RHCG: variants seen among roughly 807,000 people sequenced by gnomAD.
RHCG encodes Rh family C glycoprotein.
In RHCG, 39 loss-of-function variants were observed where a neutral mutation model predicts 55.3. That is an observed-to-expected ratio of 0.70 (90% CI 0.55 to 0.92). The LOEUF (loss-of-function observed/expected upper bound fraction) is 0.92, where lower values mean the gene tolerates loss of function less well. Among genes scored for constraint, RHCG ranks in the 40% least tolerant of loss-of-function variants. The probability of loss-of-function intolerance (pLI) is 0.00; values close to 1 mark genes in which losing one functional copy is unlikely to be tolerated. For synonymous variants in RHCG, 250 were observed against 246.8 expected, an observed-to-expected ratio of 1.01 and a Z score of -0.12; for missense variants, 635 against 627.9, an observed-to-expected ratio of 1.01 and a Z score of -0.12.
chr15:89,486,968 C>A lies in RHCG; in HGVS notation c.202G>T (p.Val68Leu). The change falls in exon 2 of 11, where the codon GTG (valine) becomes TTG (leucine). Residue 68 changes from valine to leucine, a missense_variant. Physicochemically the swap from Val to Leu is conservative, Grantham distance 32. Transcript: ENST00000268122. The part of the protein sequence containing the change: ...YRYPSFQDVH[V>L]MVFVGFGFLM... ...AAGCCGAAGCCCACGAAGACCATCA[C>A]GTGCACGTCCTGGAAGCCTGCGGGG... 1.3e-6 allele frequency: 2 copies of A among 1,598,968 alleles called. No individual in the cohort carries two copies. Among genetic ancestry groups the A allele is most frequent in the Non-Finnish European group, 8.6e-7 (1 of 1,169,088 alleles).
rs528694140 is a variant in RHCG at position 89,487,065 on chromosome 15, G to T, written c.185-80C>A. On this transcript the variant is annotated intron_variant, in intron 1 of 10. Transcript: ENST00000268122. Reference sequence around the variant, plus strand: ...CCTGGGTCTGGGCCAGGAAGGCCGGGGTAGCCCCTCAGTCTTCCCCGCCAC... The same window carrying T: ...CCTGGGTCTGGGCCAGGAAGGCCGGTGTAGCCCCTCAGTCTTCCCCGCCAC... 2,048 of 1,335,016 alleles carry T rather than the reference G, an allele frequency of 1.5e-3. 3 individuals carry two copies. Among genetic ancestry groups the T allele is most frequent in the South Asian group, 1.8e-3 (115 of 62,774 alleles). The allele number at this position is 1,335,016 out of a possible 1,614,324, so 82.7% of individuals were successfully genotyped here.
At chr15:89,495,646 C>A (rs1440520511) in intron 1 of RHCG, among the ~76,000 whole-genome samples, 1 of 152,178 alleles carries the variant, frequency 6.6e-6, no homozygotes, top group Admixed American at 6.5e-5. Context: ...AAGGATCCCA[C>A]CCCAACTCTG....
At chr15:89,485,752 G>A (rs577221406) in intron 2 of RHCG, among the ~76,000 whole-genome samples, 144 of 152,162 alleles carry the variant, frequency 9.5e-4, no homozygotes, top group African/African-American at 3.4e-3. Flanking sequence ...TGTCTAAACT[G>A]GACTTAAAGA....
At position 89,492,374 on chromosome 15, in the gene RHCG, C is replaced by T. The variant is rs909453461; in HGVS notation, c.184+3987G>A. On this transcript the variant is annotated intron_variant, in intron 1 of 10. Coordinates refer to ENST00000268122, the MANE Select transcript of RHCG (RefSeq NM_016321.3). ...CCCTCCCCTCTGCTGCATCAGCACA[C>T]GAAGGATGGTGCCCTCCAGGGGCTG... 2.6e-4 allele frequency among the ~76,000 whole-genome samples: 39 copies of T among 152,192 alleles called. 1 individual carries two copies. Among genetic ancestry groups the T allele is most frequent in the Admixed American group, 1.3e-4 (2 of 15,264 alleles).
intron 1 of RHCG, among the ~76,000 whole-genome samples, chr15:89,492,846 C>A (rs1026243690): frequency 6.6e-6 from 1 of 152,226 alleles, no homozygotes; most frequent in South Asian, 2.1e-4. Flanking sequence ...GGAAGGAGCA[C>A]TTACTCCCTT....
chr15:89,477,401 C>G lies in RHCG; in HGVS notation c.1112+116G>C. 6.8e-7 allele frequency: 1 copy of G among 1,472,108 alleles called. No individual in the cohort carries two copies. The highest frequency in any genetic ancestry group is 9.2e-7 in the Non-Finnish European group (1 of 1,087,012). 91.2% of individuals were successfully genotyped at this position (1,472,108 alleles called of 1,614,324 possible). On this transcript the variant is annotated intron_variant, in intron 7 of 10. Transcript: ENST00000268122. The surrounding 1 kb of genome is among the most constrained non-coding windows in gnomAD (Gnocchi z 4.5). The stretch of plus-strand genomic sequence containing the variant: ...GAGAGAGACCCATGAAACAATTGGT[C>G]CAGAGTGGGGAAGGAAAGGGAGAAA...
At chr15:89,473,260 T>C (rs2075833) in intron 9 of RHCG, among the ~76,000 whole-genome samples, 68,288 of 152,012 alleles carry the variant, frequency 0.45, 15,957 homozygotes, top group African/African-American at 0.57. Flanking sequence ...CGGTAAAAGG[T>C]AGTATGGCAA....
chr15:89,479,766 T>C, intron 4 of RHCG: 1 of 474,540 alleles, frequency 2.1e-6, no homozygotes, highest in Non-Finnish European at 3.8e-6. Context: ...GGAGGGAGAA[T>C]CTTTTCTCTA....
intron 9 of RHCG, among the ~76,000 whole-genome samples, chr15:89,473,605 A>G (rs140544222): frequency 2.1e-4 from 32 of 152,368 alleles, no homozygotes; most frequent in African/African-American, 6.3e-4. Context: ...AAAAGCAACA[A>G]CAAAAAATGA....
At chr15:89,472,067 A>T (rs561637040) in intron 10 of RHCG, among the ~76,000 whole-genome samples, 9 of 151,946 alleles carry the variant, frequency 5.9e-5, no homozygotes, top group Non-Finnish European at 1.3e-4. Flanking sequence ...GAAGTTAAAT[A>T]ACAATAATAA....
intron 1 of RHCG, among the ~76,000 whole-genome samples, chr15:89,489,691 C>T (rs1961438709): frequency 6.6e-6 from 1 of 152,140 alleles, no homozygotes; most frequent in South Asian, 2.1e-4. Context: ...GGGTCTTTGC[C>T]TATGGTGTCC....
At chr15:89,489,880 A>G (rs923909102) in intron 1 of RHCG, among the ~76,000 whole-genome samples, 24 of 152,196 alleles carry the variant, frequency 1.6e-4, no homozygotes, top group African/African-American at 5.5e-4. Flanking sequence ...TCTTGTTATA[A>G]TTTGAAGTTA....
At chr15:89,487,840 G>T (rs1171395081) in intron 1 of RHCG, among the ~76,000 whole-genome samples, 2 of 152,196 alleles carry the variant, frequency 1.3e-5, no homozygotes, top group Non-Finnish European at 2.9e-5. Context: ...TGTTCACTCA[G>T]GCATGGCCTA....
At chr15:89,496,211 T>C (rs1961562934) in intron 1 of RHCG, 150 bp downstream of exon 1, 1 of 747,374 alleles carries the variant, frequency 1.3e-6, no homozygotes, top group African/African-American at 1.8e-5. Flanking sequence ...TCTGACAATT[T>C]CCCACGCATG....
chr15:89,491,241 G>C (rs978771931), intron 1 of RHCG, among the ~76,000 whole-genome samples: 17 of 152,080 alleles, frequency 1.1e-4, no homozygotes, highest in Admixed American at 1.1e-3. Flanking sequence ...CTCTCACCCT[G>C]CTCTTCTCCC....
intron 1 of RHCG, among the ~76,000 whole-genome samples, chr15:89,493,238 C>T (rs1238725333): frequency 6.6e-6 from 1 of 152,226 alleles, no homozygotes; most frequent in Admixed American, 6.5e-5. Context: ...TTCTGGAGTC[C>T]AAGCCCTGGT....
intron 1 of RHCG, among the ~76,000 whole-genome samples, chr15:89,492,514 AC>A (rs1961495506): frequency 6.6e-6 from 1 of 151,624 alleles, no homozygotes; most frequent in Non-Finnish European, 1.5e-5. Flanking sequence ...CCACATCAAC[AC>A]TGCAAAATCT....
intron 3 of RHCG, among the ~76,000 whole-genome samples, chr15:89,482,835 A>G (rs777979637): frequency 2.0e-5 from 3 of 152,178 alleles, no homozygotes; most frequent in Non-Finnish European, 4.4e-5. Context: ...GAAAAAAACA[A>G]CATTCAAGGA....
chr15:89,479,131 A>G (rs2350684), intron 5 of RHCG, among the ~76,000 whole-genome samples, 191 bp downstream of exon 5: 4,945 of 152,192 alleles, frequency 0.032, 265 homozygotes, highest in African/African-American at 0.11. Context: ...ACAAAAAAAA[A>G]CAAGATAAAG....
Sources: gnomAD v4.1 joint callset for allele counts (sites outside exome capture counted in the v4.1 genomes callset) on GRCh38, gnomAD v4.1.1 for gene constraint, Gnocchi (gnomAD v3.1) non-coding constraint, MANE v1.5 for transcripts, NCBI Gene and HGNC (gene_info 2026-07-23, HGNC 2026-07-21) for gene names.